Variants in PACS2 observed in about 807,000 individuals in gnomAD.
PACS2 encodes PACS1-like protein.
Under a neutral mutation model 113.0 loss-of-function variants are expected in PACS2, and 36 were observed. The observed-to-expected ratio is 0.32, with a 90% CI of 0.24 to 0.42. The LOEUF is 0.42. Ranked by LOEUF, PACS2 falls within the 10% of genes least tolerant of loss-of-function variation. The probability of loss-of-function intolerance (pLI) is 1.00; values close to 1 mark genes in which losing one functional copy is unlikely to be tolerated. For missense variants in PACS2, 1,015 were observed against 1,239.5 expected, an observed-to-expected ratio of 0.82 and a Z score of 2.72; for synonymous variants, 589 against 536.1, an observed-to-expected ratio of 1.10 and a Z score of -1.36.
rs1336792719 is a variant in PACS2 at position 105,392,271 on chromosome 14, C to A, written c.2256-348C>A. 5 of 391,972 alleles carry A rather than the reference C, an allele frequency of 1.3e-5. No individual in the cohort carries two copies. In the Admixed American group the frequency reaches 1.3e-4, roughly 10 times the overall value. The allele number at this position is 391,972 out of a possible 1,614,324, so 24.3% of individuals were successfully genotyped here. A position where few individuals can be genotyped will look rare whatever the true frequency, so the allele number is the denominator to read the frequency against. On this transcript the variant is annotated intron_variant, in intron 22 of 24. Coordinates refer to ENST00000447393, the MANE Select transcript of PACS2 (RefSeq NM_001100913.3). Reference sequence around the variant, plus strand: ...TCACACCAGCAGATACCCCCCCGACCCCCCTGCCTCTGTGTTTCCAGCCGC... The same window carrying A: ...TCACACCAGCAGATACCCCCCCGACACCCCTGCCTCTGTGTTTCCAGCCGC...
At position 105,354,223 on chromosome 14, in the gene PACS2, A is replaced by T. The variant is rs2060343271; in HGVS notation, c.298-829A>T. Among the ~76,000 whole-genome samples, 1 of 152,146 alleles carries T rather than the reference A, an allele frequency of 6.6e-6. No homozygotes were observed. Among genetic ancestry groups the T allele is most frequent in the Admixed American group, 6.5e-5 (1 of 15,282 alleles). On this transcript the variant is annotated intron_variant, in intron 3 of 24. Transcript: ENST00000447393. The surrounding 1 kb of genome is among the most constrained non-coding windows in gnomAD (Gnocchi z 4.2). ...CAGCTCTTCGGGAGGCTGAGGCAGG[A>T]GGATTGCTTGAACCCAGGAGGTGGA... is the stretch of plus-strand genomic sequence containing the variant.
At chr14:105,381,173 G>T in intron 12 of PACS2, 74 bp downstream of exon 12, 1 of 1,368,540 alleles carries the variant, frequency 7.3e-7, no homozygotes, top group Non-Finnish European at 1.0e-6. Flanking sequence ...GCATCAGTCG[G>T]GGTGGGTGCG....
intron 1 of PACS2, among the ~76,000 whole-genome samples, chr14:105,321,124 A>AT (rs145418738): frequency 0.016 from 2,470 of 151,478 alleles, 85 homozygotes; most frequent in African/African-American, 0.056. Flanking sequence ...CTGCAAAAAC[A>AT]TTTTTTTTTG....
chr14:105,351,538 T>A (rs1555403984), intron 2 of PACS2, among the ~76,000 whole-genome samples: 1 of 152,226 alleles, frequency 6.6e-6, no homozygotes, highest in East Asian at 1.9e-4. Flanking sequence ...TGATCATTCT[T>A]CTTTTTAGAA....
At position 105,315,024 on chromosome 14, in the gene PACS2, A is replaced by G; in HGVS notation, c.106A>G (p.Ser36Gly). ...CTGGGAGGTGGACGGCTCCAGCCCC[A>G]GCTGCGTGCCCAGGTACGCGCCGCC... ...ATWEVDGSSP[S>G]CVPRLCSLTL... Residue 36 changes from serine (S) to glycine (G), a missense_variant, in exon 1 of 25, where the codon AGC becomes GGC. Ser to Gly is a moderately conservative substitution (Grantham distance 56). Transcript: ENST00000447393. This position sits in a 1 kb window ranked among gnomAD's most constrained non-coding sequence, Gnocchi z 4.4. The G allele has an allele frequency of 1.6e-6, 2 of 1,220,462 alleles. No homozygotes were observed. The highest frequency in any genetic ancestry group is 1.8e-5 in the South Asian group (1 of 54,086). 75.6% of individuals were successfully genotyped at this position (1,220,462 alleles called of 1,614,324 possible).
In PACS2 at chr14:105,352,509, C is replaced by T. The variant is rs781804050; in HGVS notation, c.297+42C>T. 3.0e-5 allele frequency: 38 copies of T among 1,265,486 alleles called. No homozygotes were observed. The African/African-American group carries it at 5.0e-4, about 17-fold the overall frequency. The allele number at this position is 1,265,486 out of a possible 1,614,324, so 78.4% of individuals were successfully genotyped here. A position where few individuals can be genotyped will look rare whatever the true frequency, so the allele number is the denominator to read the frequency against. ...TGGTGACGACACCCTCATCACTGTC[C>T]CCTGGGGAGACGGGCCCCCCTCATC... is the stretch of plus-strand genomic sequence containing the variant. On this transcript the variant is annotated intron_variant, in intron 3 of 24. Coordinates refer to ENST00000447393, the MANE Select transcript of PACS2 (RefSeq NM_001100913.3).
At chr14:105,380,218 G>A in intron 11 of PACS2, 64 bp downstream of exon 11, 1 of 1,378,256 alleles carries the variant, frequency 7.3e-7, no homozygotes, top group South Asian at 1.2e-5. Context: ...TGCCTTTAAG[G>A]GTCTGACCTG....
intron 5 of PACS2, 86 bp downstream of exon 5, chr14:105,367,461 C>T (rs782115296): frequency 2.5e-5 from 35 of 1,387,294 alleles, no homozygotes; most frequent in Non-Finnish European, 3.4e-5. Flanking sequence ...AGAAACTGTC[C>T]AGCCTGGCTT....
intron 1 of PACS2, among the ~76,000 whole-genome samples, chr14:105,307,756 C>A (rs1413911879): frequency 6.6e-6 from 1 of 152,256 alleles, no homozygotes; most frequent in Non-Finnish European, 1.5e-5. Context: ...GAATAGCCCA[C>A]CCTAGCACTG....
At chr14:105,372,493 C>T (rs1276821195) in intron 8 of PACS2, 1 of 152,152 alleles carries the variant, frequency 6.6e-6, no homozygotes, top group Non-Finnish European at 1.5e-5. Flanking sequence ...GAACTTAAAT[C>T]CTGCACTAAT....
intron 1 of PACS2, among the ~76,000 whole-genome samples, chr14:105,319,608 T>C (rs1028374933): frequency 1.3e-5 from 2 of 152,246 alleles, no homozygotes; most frequent in Admixed American, 1.3e-4. Context: ...TTTCAAAATG[T>C]ATGTTTTGTC....
At position 105,330,954 on chromosome 14, in the gene PACS2, G is replaced by GCTTT. The variant is rs1185570018; in HGVS notation, c.119+15917_119+15918insCTTT. Among the ~76,000 whole-genome samples the GCTTT allele has an allele frequency of 1.3e-5, 2 of 151,766 alleles. No individual in the cohort carries two copies. Among genetic ancestry groups the GCTTT allele is most frequent in the Non-Finnish European group, 2.9e-5 (2 of 67,984 alleles). ...GGTGAACGGCTTTGTTGGATGCTGG[G>GCTTT]GTTGGCATTTTTTTTTTTTTTGAGA... On this transcript the variant is annotated intron_variant, in intron 1 of 24. Transcript: ENST00000447393. This position sits in a 1 kb window ranked among gnomAD's most constrained non-coding sequence, Gnocchi z 6.9.
Position 105,324,896 on chromosome 14 carries a change from A to G in PACS2, c.119+9859A>G, listed in dbSNP as rs1294996952. Reference sequence around the variant, plus strand: ...CCGCTCAACAGAGGAGTCAGGACCCAAAAGGGGCAGAAATGGGCAAGGGAA... The same window carrying G: ...CCGCTCAACAGAGGAGTCAGGACCCGAAAGGGGCAGAAATGGGCAAGGGAA... On this transcript the variant is annotated intron_variant, in intron 1 of 24. Transcript: ENST00000447393. The surrounding 1 kb of genome is among the most constrained non-coding windows in gnomAD (Gnocchi z 4.7). Among the ~76,000 whole-genome samples the G allele has an allele frequency of 6.6e-6, 1 of 152,028 alleles. No individual in the cohort carries two copies. Among genetic ancestry groups the G allele is most frequent in the African/African-American group, 2.4e-5 (1 of 41,398 alleles).
chr14:105,393,582 T>TG (rs1555415637), intron 24 of PACS2: 1 of 447,060 alleles, frequency 2.2e-6, no homozygotes, highest in African/African-American at 2.1e-5. Flanking sequence ...TCTTGTTTGT[T>TG]TTTTGTTTTG....
In PACS2 at chr14:105,366,322, T is replaced by C. The variant is rs1205077448; in HGVS notation, c.424-891T>C. On this transcript the variant is annotated intron_variant, in intron 4 of 24. Transcript: ENST00000447393. The surrounding 1 kb of genome is among the most constrained non-coding windows in gnomAD (Gnocchi z 4.3). ...AAGATCGCACCATTGCACACCAGCCTGGGCCACAGAATGAGACTCCGTCTC... is the reference window on the plus strand; with the variant it reads ...AAGATCGCACCATTGCACACCAGCCCGGGCCACAGAATGAGACTCCGTCTC... Among the ~76,000 whole-genome samples the C allele has an allele frequency of 6.6e-6, 1 of 152,228 alleles. No individual in the cohort carries two copies. The highest frequency in any genetic ancestry group is 2.4e-5 in the African/African-American group (1 of 41,464).
Position 105,395,043 on chromosome 14 carries a change from G to A in PACS2, c.*371G>A, listed in dbSNP as rs897237713. 6.7e-5 allele frequency: 16 copies of A among 239,082 alleles called. 1 individual carries two copies. The East Asian group carries it at 1.5e-3, about 23-fold the overall frequency. The allele number at this position is 239,082 out of a possible 1,614,324, so 14.8% of individuals were successfully genotyped here. On this transcript the variant is annotated 3_prime_UTR_variant, in exon 25 of 25. Transcript: ENST00000447393. ...CTTCCTCAGGGAGCCCGGGGAAGGC[G>A]GAGCTCAGTGGCCACAGGCCGAGGG...
chr14:105,318,727 C>G (rs1392867486), intron 1 of PACS2, among the ~76,000 whole-genome samples: 1 of 151,712 alleles, frequency 6.6e-6, no homozygotes, highest in Non-Finnish European at 1.5e-5. Flanking sequence ...GGTGCTGTCT[C>G]GGCTCACTGC....
rs2058985713 is a variant in PACS2, at chr14:105,323,778, C to T, written c.119+8741C>T. On this transcript the variant is annotated intron_variant, in intron 1 of 24. Transcript: ENST00000447393. The surrounding 1 kb of genome is among the most constrained non-coding windows in gnomAD (Gnocchi z 4.1). ...AAGATGGGCTGCTCTGAGGGAGGGGCTGAGGAAGCTGACCTGGGCAGCCAG... is the reference window on the plus strand; with the variant it reads ...AAGATGGGCTGCTCTGAGGGAGGGGTTGAGGAAGCTGACCTGGGCAGCCAG... Among the ~76,000 whole-genome samples, 1 of 152,110 alleles carries T rather than the reference C, an allele frequency of 6.6e-6. No individual in the cohort carries two copies. Among genetic ancestry groups the T allele is most frequent in the Non-Finnish European group, 1.5e-5 (1 of 68,030 alleles).
rs782295556 is a variant in PACS2, at chr14:105,352,315, C to G, written c.208-63C>G. On this transcript the variant is annotated intron_variant, in intron 2 of 24. Transcript: ENST00000447393. Reference sequence around the variant, plus strand: ...TTTTAGAGTGCAGGAGTCACGGTGTCTTTGCCTGGTTTCCTGCTGATATGC... The same window carrying G: ...TTTTAGAGTGCAGGAGTCACGGTGTGTTTGCCTGGTTTCCTGCTGATATGC... The G allele has an allele frequency of 8.3e-6, 9 of 1,081,024 alleles. No homozygotes were observed. In the African/African-American group the frequency reaches 1.2e-4, roughly 15 times the overall value. The allele number at this position is 1,081,024 out of a possible 1,614,324, so 67.0% of individuals were successfully genotyped here. A position where few individuals can be genotyped will look rare whatever the true frequency, so the allele number is the denominator to read the frequency against.
Sources: gnomAD v4.1 joint callset for allele counts (sites outside exome capture counted in the v4.1 genomes callset) on GRCh38, gnomAD v4.1.1 for gene constraint, Gnocchi (gnomAD v3.1) non-coding constraint, MANE v1.5 for transcripts, NCBI Gene and HGNC (gene_info 2026-07-23, HGNC 2026-07-21) for gene names.